KLF12: variants seen among roughly 807,000 people sequenced by gnomAD.
KLF12 encodes the protein Krueppel-like factor 12.
KLF12 carries 9 observed loss-of-function variants against 37.8 expected under a neutral mutation model. The ratio of observed to expected loss-of-function variants is 0.24; its 90% CI spans 0.14 to 0.42. The LOEUF is 0.42. KLF12 is among the 10% of genes least tolerant of loss of function. The pLI is 1.00. For synonymous variants in KLF12, 208 were observed against 202.1 expected, an observed-to-expected ratio of 1.03 and a Z score of -0.25; for missense variants, 411 against 516.0, an observed-to-expected ratio of 0.80 and a Z score of 1.97.
At chr13:73,908,487 T>C (rs1566452164) in intron 3 of KLF12, among the ~76,000 whole-genome samples, 1 of 151,004 alleles carries the variant, frequency 6.6e-6, no homozygotes, top group African/African-American at 2.4e-5. Flanking sequence ...TTTTTTTCTT[T>C]TGTTTTTTTT....
At chr13:74,004,840 A>C (rs1892370021) in intron 1 of KLF12, among the ~76,000 whole-genome samples, 1 of 152,134 alleles carries the variant, frequency 6.6e-6, no homozygotes, top group Non-Finnish European at 1.5e-5. Flanking sequence ...AAGATTTTAA[A>C]ATTTGTGTGT....
At chr13:74,069,009 G>A (rs1450257885) in intron 1 of KLF12, among the ~76,000 whole-genome samples, 1 of 152,166 alleles carries the variant, frequency 6.6e-6, no homozygotes, top group Non-Finnish European at 1.5e-5. Flanking sequence ...CAGGGACTGT[G>A]ACAGCTGCTG....
intron 1 of KLF12, among the ~76,000 whole-genome samples, chr13:74,104,238 C>T (rs574242510): frequency 9.6e-4 from 146 of 152,188 alleles, no homozygotes; most frequent in Non-Finnish European, 1.8e-3. Context: ...AGTAGTGCAC[C>T]GTTATTCCTC....
intron 7 of KLF12, among the ~76,000 whole-genome samples, chr13:73,698,456 T>C (rs1874305052): frequency 6.6e-6 from 1 of 152,148 alleles, no homozygotes; most frequent in Non-Finnish European, 1.5e-5. Flanking sequence ...ATTTCTTCCT[T>C]AAAATGATAC....
At chr13:74,021,427 A>C (rs1892838649) in intron 1 of KLF12, among the ~76,000 whole-genome samples, 1 of 152,214 alleles carries the variant, frequency 6.6e-6, no homozygotes, top group East Asian at 1.9e-4. Context: ...AGAAGAGGCT[A>C]CAAATAGGAC....
rs761131439 is a variant in KLF12 at position 73,943,969 on chromosome 13, A to G, written c.123+12T>C. On this transcript the variant is annotated intron_variant, in intron 3 of 7. Coordinates refer to ENST00000377669, the MANE Select transcript of KLF12 (RefSeq NM_007249.5). ...CAAAAGGAGTGGGGCATTGCTGGAA[A>G]CTTGTGCTTACCCCTTGTTCAGATT... The G allele has an allele frequency of 3.2e-6, 5 of 1,576,252 alleles. No individual in the cohort carries two copies. Among genetic ancestry groups the G allele is most frequent in the Non-Finnish European group, 4.4e-6 (5 of 1,146,444 alleles).
chr13:74,070,433 A>T (rs1213236052), intron 1 of KLF12, among the ~76,000 whole-genome samples: 1 of 152,218 alleles, frequency 6.6e-6, no homozygotes, highest in Non-Finnish European at 1.5e-5. Context: ...TCCTTCAGCC[A>T]AGGGCCAAAG....
chr13:74,254,349 T>C, the KLF12 span, among the ~76,000 whole-genome samples: 3 of 152,184 alleles, frequency 2.0e-5, no homozygotes, highest in Non-Finnish European at 4.4e-5. Flanking sequence ...TTTTGATATC[T>C]CTTATGCTTT....
intron 3 of KLF12, among the ~76,000 whole-genome samples, chr13:73,907,571 A>T (rs900517732): frequency 3.3e-5 from 5 of 152,214 alleles, no homozygotes; most frequent in Admixed American, 3.3e-4. Flanking sequence ...AACATGAAAG[A>T]TCCTTATAGG....
chr13:74,143,975 T>C, the KLF12 span, among the ~76,000 whole-genome samples: 1 of 152,324 alleles, frequency 6.6e-6, no homozygotes, highest in South Asian at 2.1e-4. Flanking sequence ...CATAATCCCA[T>C]TGTGAGTTGA....
intron 3 of KLF12, among the ~76,000 whole-genome samples, chr13:73,858,700 TC>T (rs879345066): frequency 5.3e-5 from 8 of 152,118 alleles, no homozygotes; most frequent in Admixed American, 1.3e-4. Flanking sequence ...AACAGCATTT[TC>T]CCCCCTAGAG....
At chr13:74,000,150 C>T (rs1321995786) in intron 1 of KLF12, among the ~76,000 whole-genome samples, 1 of 152,284 alleles carries the variant, frequency 6.6e-6, no homozygotes, top group East Asian at 1.9e-4. Flanking sequence ...AATGTCACTC[C>T]TATTTCTACC....
intron 2 of KLF12, among the ~76,000 whole-genome samples, chr13:73,988,772 T>A (rs1891891273): frequency 6.6e-6 from 1 of 152,202 alleles, no homozygotes; most frequent in Non-Finnish European, 1.5e-5. Context: ...TAGCCAATTT[T>A]CCTAAAGCTA....
the KLF12 span, among the ~76,000 whole-genome samples, chr13:74,292,774 T>C: frequency 6.6e-6 from 1 of 152,188 alleles, no homozygotes; most frequent in African/African-American, 2.4e-5. Context: ...TATGACTCTC[T>C]TTCCCATAAC....
At chr13:74,087,148 T>C (rs189378653) in intron 1 of KLF12, among the ~76,000 whole-genome samples, 4 of 152,170 alleles carry the variant, frequency 2.6e-5, no homozygotes, top group African/African-American at 7.2e-5. Flanking sequence ...TTAGCAGTAA[T>C]GTGATTTGGG....
chr13:74,173,120 T>C, the KLF12 span, among the ~76,000 whole-genome samples: 2 of 152,200 alleles, frequency 1.3e-5, no homozygotes, highest in Admixed American at 1.3e-4. Context: ...ATGCTTCCCC[T>C]AAGCTTCCCT....
intron 5 of KLF12, among the ~76,000 whole-genome samples, chr13:73,782,786 G>T: frequency 6.6e-6 from 1 of 152,204 alleles, no homozygotes; most frequent in Non-Finnish European, 1.5e-5. Context: ...GGTGTTGATT[G>T]TGTATCAGAT....
At chr13:73,845,033 A>AG (rs746500160) in intron 4 of KLF12, 3 of 152,156 alleles carry the variant, frequency 2.0e-5, no homozygotes, top group Non-Finnish European at 2.9e-5. Context: ...AGTAAAATTC[A>AG]GGGAAAAAAA....
At chr13:73,965,230 T>C (rs1410989703) in intron 2 of KLF12, among the ~76,000 whole-genome samples, 3 of 152,164 alleles carry the variant, frequency 2.0e-5, no homozygotes, top group South Asian at 2.1e-4. Context: ...CTTTATACTT[T>C]AATAGGTCAA....
Sources: allele counts gnomAD v4.1 joint callset (sites outside exome capture counted in the v4.1 genomes callset), GRCh38; gene constraint gnomAD v4.1.1; transcripts MANE v1.5; gene names NCBI Gene and HGNC (gene_info 2026-07-23, HGNC 2026-07-21).